The following KIAA0825 variants were observed in gnomAD, a reference collection of about 807,000 sequenced individuals.
KIAA0825 encodes the protein KIAA0825, also known as uncharacterized protein KIAA0825.
KIAA0825 carries 119 observed loss-of-function variants against 147.6 expected under a neutral mutation model. The observed-to-expected ratio is 0.81, with a 90% confidence interval of 0.69 to 0.94. The LOEUF (loss-of-function observed/expected upper bound fraction) is 0.94. Among genes scored for constraint, KIAA0825 ranks in the 40% least tolerant of loss-of-function variants. The pLI, the probability that KIAA0825 is intolerant of heterozygous loss-of-function variation, is 0.00. For missense variants in KIAA0825, 1,381 were observed against 1,472.7 expected (o/e 0.94, Z 1.02); for synonymous variants, 470 against 518.1 (o/e 0.91, Z 1.26).
At chr5:94,206,724 T>A (rs1160367465) in intron 20 of KIAA0825, among the ~76,000 whole-genome samples, 1 of 152,164 alleles carries the variant, frequency 6.6e-6, no homozygotes, top group East Asian at 1.9e-4. Context: ...CTATGGTTTC[T>A]TTTTATCTCT....
rs548960954 is a variant in KIAA0825 at position 94,471,575 on chromosome 5, C to T, written c.1612G>A (p.Val538Ile). 129 of 1,551,904 alleles carry T rather than the reference C, an allele frequency of 8.3e-5. No individual in the cohort carries two copies. In the East Asian group the frequency reaches 1.3e-3, roughly 16 times the overall value. ...LQRLQERAKE[V>I]PSKAPLKNLH... is the part of the protein sequence containing the mutation. Reference sequence around the variant, plus strand: ...TTTTTCAGGGGTGCTTTGGAAGGAACCTCCTTGGCTCTCTCTTGCAGTCTC... The same window carrying T: ...TTTTTCAGGGGTGCTTTGGAAGGAATCTCCTTGGCTCTCTCTTGCAGTCTC... Residue 538 changes from valine to isoleucine, a missense_variant, in exon 9 of 21, where the codon GTT becomes ATT. Val to Ile is a conservative substitution (Grantham distance 29, BLOSUM62 3). Transcript: ENST00000682413.
intron 3 of KIAA0825, among the ~76,000 whole-genome samples, chr5:94,529,345 A>ATC (rs536157593): frequency 0.017 from 2,156 of 128,934 alleles, 86 homozygotes; most frequent in African/African-American, 0.057. Flanking sequence ...ATATGTATAT[A>ATC]TCATATATGT....
intron 16 of KIAA0825, among the ~76,000 whole-genome samples, chr5:94,402,864 T>C (rs114755386): frequency 2.6e-5 from 4 of 152,150 alleles, no homozygotes; most frequent in Non-Finnish European, 4.4e-5. Flanking sequence ...TACAGGTACG[T>C]AATATACATA....
chr5:94,241,035 G>A (rs1022869609), intron 20 of KIAA0825, among the ~76,000 whole-genome samples: 1 of 152,134 alleles, frequency 6.6e-6, no homozygotes, highest in African/African-American at 2.4e-5. Flanking sequence ...ATAGCTCTCA[G>A]CTGATGTGAC....
intron 20 of KIAA0825, among the ~76,000 whole-genome samples, chr5:94,254,564 A>AT (rs1562336298): frequency 6.6e-6 from 1 of 152,070 alleles, no homozygotes; most frequent in Non-Finnish European, 1.5e-5. Flanking sequence ...AGACTTTTTG[A>AT]TTTTTTTGCT....
chr5:94,605,479 C>T (rs115580486), intron 1 of KIAA0825, among the ~76,000 whole-genome samples: 1,826 of 152,202 alleles, frequency 0.012, 34 homozygotes, highest in African/African-American at 0.042. Flanking sequence ...AAACTTCAGG[C>T]CAATATTCTA....
intron 20 of KIAA0825, among the ~76,000 whole-genome samples, chr5:94,279,516 T>C (rs1306585379): frequency 3.9e-5 from 6 of 152,002 alleles, no homozygotes; most frequent in Non-Finnish European, 1.5e-5. Context: ...AAAATCAGGG[T>C]GGACCAACTG....
intron 20 of KIAA0825, among the ~76,000 whole-genome samples, chr5:94,272,106 CAAAAAAAA>C (rs70975898): frequency 3.0e-5 from 2 of 66,630 alleles, no homozygotes; most frequent in East Asian, 5.3e-4. Flanking sequence ...TTTGTAGGAG[CAAAAAAAA>C]AAAAAAAAAA....
At chr5:94,349,803 G>A (rs558106351) in intron 20 of KIAA0825, among the ~76,000 whole-genome samples, 3 of 152,158 alleles carry the variant, frequency 2.0e-5, no homozygotes, top group East Asian at 1.9e-4. Context: ...AGGAAAGTTC[G>A]TAGCCCTAAA....
chr5:94,277,861 C>T (rs1357683067), intron 20 of KIAA0825, among the ~76,000 whole-genome samples: 1 of 152,112 alleles, frequency 6.6e-6, no homozygotes, highest in African/African-American at 2.4e-5. Flanking sequence ...TTGGAACCAA[C>T]CCAAATGCCC....
intron 2 of KIAA0825, among the ~76,000 whole-genome samples, chr5:94,551,415 T>C (rs1372046093): frequency 1.3e-5 from 2 of 152,000 alleles, no homozygotes; most frequent in African/African-American, 2.4e-5. Context: ...AGGCATATAG[T>C]AGTGAAATTG....
intron 20 of KIAA0825, among the ~76,000 whole-genome samples, chr5:94,347,919 T>C (rs761438712): frequency 6.6e-6 from 1 of 152,084 alleles, no homozygotes; most frequent in Non-Finnish European, 1.5e-5. Context: ...GTGAGAAATA[T>C]TCAAGAAAAT....
chr5:94,414,008 G>A (rs981957343), intron 15 of KIAA0825: 1 of 152,072 alleles, frequency 6.6e-6, no homozygotes, highest in Non-Finnish European at 1.5e-5. Context: ...AATTAATTTT[G>A]GCAACAGGCA....
chr5:94,532,555 C>A (rs1771015912), intron 3 of KIAA0825, among the ~76,000 whole-genome samples: 1 of 151,410 alleles, frequency 6.6e-6, no homozygotes, highest in South Asian at 2.1e-4. Context: ...CCTTTCCTCC[C>A]TTCCTTTCCA....
At chr5:94,184,584 T>G (rs1455183572) in intron 20 of KIAA0825, among the ~76,000 whole-genome samples, 2 of 152,336 alleles carry the variant, frequency 1.3e-5, no homozygotes, top group African/African-American at 4.8e-5. Flanking sequence ...TTGTCTATAT[T>G]CAACAAAACC....
At chr5:94,489,457 G>A (rs915332505) in intron 5 of KIAA0825, among the ~76,000 whole-genome samples, 1 of 151,540 alleles carries the variant, frequency 6.6e-6, no homozygotes, top group East Asian at 1.9e-4. Flanking sequence ...GGGTTCATGA[G>A]CTTTAGATAA....
chr5:94,297,612 T>C (rs574064137), intron 20 of KIAA0825, among the ~76,000 whole-genome samples: 2 of 151,432 alleles, frequency 1.3e-5, no homozygotes, highest in Non-Finnish European at 2.9e-5. Context: ...GTTATTATTT[T>C]TGAGATAGAG....
chr5:94,157,651 T>C (rs540474361), intron 20 of KIAA0825, among the ~76,000 whole-genome samples: 102 of 151,618 alleles, frequency 6.7e-4, no homozygotes, highest in African/African-American at 2.3e-3. Context: ...ATAGAGCTTT[T>C]CCATGTGCCA....
rs540676302 is a variant in KIAA0825 at position 94,474,301 on chromosome 5, T to C, written c.1228-782A>G. 2.6e-5 allele frequency among the ~76,000 whole-genome samples: 4 copies of C among 152,298 alleles called. No homozygotes were observed. In the East Asian group the frequency reaches 7.7e-4, roughly 29 times the overall value. On this transcript the variant is annotated intron_variant, in intron 7 of 20. Coordinates refer to ENST00000682413, the MANE Select transcript of KIAA0825 (RefSeq NM_001145678.3). ...GAATGTATATTTTCTCCAGGTCTCC[T>C]AACATTCTCTAAAGTTCAAAAGCAT... is the stretch of plus-strand genomic sequence containing the variant.
Sources: allele counts gnomAD v4.1 joint callset (sites outside exome capture counted in the v4.1 genomes callset), GRCh38; gene constraint gnomAD v4.1.1; transcripts MANE v1.5; gene names NCBI Gene and HGNC (gene_info 2026-07-23, HGNC 2026-07-21).